The following GCN1 variants were observed in gnomAD, a reference collection of about 807,000 sequenced individuals.
GCN1 encodes stalled ribosome sensor GCN1.
In GCN1, 90 loss-of-function variants were observed where a neutral mutation model predicts 288.4. The observed-to-expected ratio is 0.31, with a 90% CI of 0.26 to 0.37. The LOEUF (loss-of-function observed/expected upper bound fraction) is 0.37, where lower values mean the gene tolerates loss of function less well. GCN1 is among the 10% of genes least tolerant of loss of function. The pLI, the probability that GCN1 is intolerant of heterozygous loss-of-function variation, is 1.00. For missense variants in GCN1, 2,586 were observed against 3,419.9 expected (o/e 0.76, Z 6.08); for synonymous variants, 1,386 against 1,420.2 (o/e 0.98, Z 0.54).
chr12:120,175,492 T>A (rs1161121573), intron 11 of GCN1, among the ~76,000 whole-genome samples: 1 of 152,238 alleles, frequency 6.6e-6, no homozygotes. Flanking sequence ...TTCTGGTGTA[T>A]TTCCTTTAGT....
Position 120,130,719 on chromosome 12 carries a change from C to T in GCN1, c.7598G>A (p.Gly2533Asp). 1 of 1,613,876 alleles carries T rather than the reference C, an allele frequency of 6.2e-7. No individual in the cohort carries two copies. Among genetic ancestry groups the T allele is most frequent in the Non-Finnish European group, 8.5e-7 (1 of 1,179,866 alleles). ...PIAVSGVRGMGFLMRHHIETG... is the reference protein window; with the variant it reads ...PIAVSGVRGMDFLMRHHIETG... ...CTCGATGTGGTGTCTCATGAGAAAG[C>T]CCATGCCCCGGACCCCGCTCACCGC... The change falls in exon 56 of 58, where the codon GGC becomes GAC. Residue 2533 changes from glycine to aspartate, a missense_variant. Physicochemically the swap from Gly to Asp is moderately conservative, Grantham distance 94. Coordinates refer to ENST00000300648, the MANE Select transcript of GCN1 (RefSeq NM_006836.2).
At chr12:120,162,671 G>A (rs1295609834) in intron 20 of GCN1, among the ~76,000 whole-genome samples, 176 bp downstream of exon 20, 3 of 152,236 alleles carry the variant, frequency 2.0e-5, no homozygotes, top group Non-Finnish European at 4.4e-5. Flanking sequence ...AGGTAAATGA[G>A]GCAGTAAGTT....
At chr12:120,190,218 C>CT in intron 2 of GCN1, 80 bp downstream of exon 2, 1 of 729,236 alleles carries the variant, frequency 1.4e-6, no homozygotes, top group East Asian at 2.6e-5. Context: ...GTGAGAGACT[C>CT]TGTCTCAAAA....
Position 120,127,724 on chromosome 12 carries a change from A to G in GCN1, c.*125T>C, listed in dbSNP as rs1422339681. The G allele has an allele frequency of 2.1e-5, 22 of 1,057,680 alleles. No individual in the cohort carries two copies. The Admixed American group carries it at 3.7e-4, about 18-fold the overall frequency. 65.5% of individuals were successfully genotyped at this position (1,057,680 alleles called of 1,614,324 possible). ...TGATTTAAGGCTTTGGCTGTGGTCT[A>G]TTGATATTAAAATACTTTCTGGGAA... is the stretch of plus-strand genomic sequence containing the variant. On this transcript the variant is annotated 3_prime_UTR_variant, in exon 58 of 58. Coordinates refer to ENST00000300648, the MANE Select transcript of GCN1 (RefSeq NM_006836.2).
chr12:120,140,813 GGTC>G, intron 45 of GCN1, 43 bp downstream of exon 45: 1 of 1,575,704 alleles, frequency 6.3e-7, no homozygotes, highest in South Asian at 1.1e-5. Flanking sequence ...CTCTGAGTCA[GGTC>G]GTCTGCAGTG....
intron 34 of GCN1, 48 bp downstream of exon 34, chr12:120,151,097 G>A: frequency 6.3e-7 from 1 of 1,593,722 alleles, no homozygotes; most frequent in East Asian, 2.2e-5. Context: ...CTGGCAACCT[G>A]GGGACCAACT....
intron 8 of GCN1, 31 bp from the exon 9 acceptor site, chr12:120,177,586 C>G (rs751846825): frequency 6.5e-7 from 1 of 1,549,470 alleles, no homozygotes; most frequent in Non-Finnish European, 8.9e-7. Flanking sequence ...GGCACCTAGC[C>G]CTCATGGGAA....
chr12:120,128,006 G>A (rs1402911839), intron 57 of GCN1, 32 bp from the exon 58 acceptor site: 7 of 1,611,248 alleles, frequency 4.3e-6, no homozygotes, highest in Admixed American at 1.7e-5. Flanking sequence ...AGGAAACATA[G>A]TCAGAACATA....
At chr12:120,190,686 G>A (rs1278062322) in intron 1 of GCN1, among the ~76,000 whole-genome samples, 1 of 152,138 alleles carries the variant, frequency 6.6e-6, no homozygotes, top group African/African-American at 2.4e-5. Flanking sequence ...CACTTGAGAT[G>A]TACTGCTTTA....
chr12:120,184,551 T>C (rs185756257), intron 3 of GCN1, among the ~76,000 whole-genome samples: 4 of 152,284 alleles, frequency 2.6e-5, no homozygotes, highest in Admixed American at 6.5e-5. Context: ...CATAAACACA[T>C]TGACCACTAT....
chr12:120,155,412 G>A lies in GCN1; in HGVS notation c.3459C>T (p.Gly1153=). ...KLAERLWSMM[G]LDLQPDLCSL... ...AGCAGAGGTCTGGCTGCAGGTCTAG[G>A]CCCATCATTGACCAGAGCCTGTGGG... The change falls in exon 30 of 58, where the codon GGC becomes GGT. Residue 1153 remains glycine, a synonymous_variant. Transcript: ENST00000300648. The surrounding 1 kb of genome is among the most constrained non-coding windows in gnomAD (Gnocchi z 4.9). 6.2e-7 allele frequency: 1 copy of A among 1,613,840 alleles called. No individual in the cohort carries two copies. Among genetic ancestry groups the A allele is most frequent in the Admixed American group, 1.7e-5 (1 of 60,028 alleles).
At chr12:120,147,550 C>G (rs996827449) in intron 37 of GCN1, among the ~76,000 whole-genome samples, 14 of 152,316 alleles carry the variant, frequency 9.2e-5, no homozygotes, top group African/African-American at 3.1e-4. Context: ...AAGCATGTAT[C>G]CTTAGTAAAT....
chr12:120,168,995 G>A (rs1878222026), intron 15 of GCN1, among the ~76,000 whole-genome samples: 1 of 152,098 alleles, frequency 6.6e-6, no homozygotes, highest in Non-Finnish European at 1.5e-5. Flanking sequence ...GAGATTGGGA[G>A]ATGAAATAAA....
At chr12:120,175,623 C>G (rs1197797649) in intron 11 of GCN1, 123 bp downstream of exon 11, 9 of 985,634 alleles carry the variant, frequency 9.1e-6, no homozygotes, top group Non-Finnish European at 1.4e-5. Flanking sequence ...AGTGTGACGT[C>G]CCCCTGGCCA....
At chr12:120,133,984 C>T (rs531906185) in intron 53 of GCN1, among the ~76,000 whole-genome samples, 30 of 152,266 alleles carry the variant, frequency 2.0e-4, no homozygotes, top group Admixed American at 7.8e-4. Flanking sequence ...GCAGGAGAAT[C>T]GCTTGATAGG....
rs1343150800 is a variant in GCN1 at position 120,138,815 on chromosome 12, C to T, written c.6036G>A (p.Lys2012=). ...FSESLVPTAR[K]ALCDPLEEVR... ...CCTCCTCCAGTGGGTCACACAAAGCCTTCCTTGCCGTGGGCACGAGGGATT... is the reference window on the plus strand; with the variant it reads ...CCTCCTCCAGTGGGTCACACAAAGCTTTCCTTGCCGTGGGCACGAGGGATT... Residue 2012 remains lysine, a synonymous_variant, in exon 46 of 58, where the codon AAG becomes AAA. Coordinates refer to ENST00000300648, the MANE Select transcript of GCN1 (RefSeq NM_006836.2). 6.2e-7 allele frequency: 1 copy of T among 1,613,882 alleles called. No individual in the cohort carries two copies. Among genetic ancestry groups the T allele is most frequent in the Non-Finnish European group, 8.5e-7 (1 of 1,179,852 alleles).
In GCN1 at chr12:120,129,599, C is replaced by T. The variant is rs147975924; in HGVS notation, c.7672-105G>A. Reference sequence around the variant, plus strand: ...ACTCTCCCTACAGCATGAACACTGACCCCCCCTGCTCCTGTGGGAGGGTCC... The same window carrying T: ...ACTCTCCCTACAGCATGAACACTGATCCCCCCTGCTCCTGTGGGAGGGTCC... On this transcript the variant is annotated intron_variant, in intron 56 of 57. Coordinates refer to ENST00000300648, the MANE Select transcript of GCN1 (RefSeq NM_006836.2). 445 of 834,120 alleles carry T rather than the reference C, an allele frequency of 5.3e-4. 4 individuals carry two copies. In the East Asian group the frequency reaches 0.01, roughly 19 times the overall value. The allele number at this position is 834,120 out of a possible 1,614,324, so 51.7% of individuals were successfully genotyped here. A position where few individuals can be genotyped will look rare whatever the true frequency, so the allele number is the denominator to read the frequency against.
At position 120,137,141 on chromosome 12, in the gene GCN1, G is replaced by A. The variant is rs1000487192; in HGVS notation, c.6777+65C>T. 8.4e-7 allele frequency: 1 copy of A among 1,188,640 alleles called. No homozygotes were observed. The highest frequency in any genetic ancestry group is 1.3e-6 in the Non-Finnish European group (1 of 794,946). 73.6% of individuals were successfully genotyped at this position (1,188,640 alleles called of 1,614,324 possible). A position where few individuals can be genotyped will look rare whatever the true frequency, so the allele number is the denominator to read the frequency against. On this transcript the variant is annotated intron_variant, in intron 50 of 57. Transcript: ENST00000300648. The surrounding 1 kb of genome is among the most constrained non-coding windows in gnomAD (Gnocchi z 5.2). The stretch of plus-strand genomic sequence containing the variant: ...GCCCCTACCGCAGACCTGGGACAGG[G>A]GTAAGGGCCAGAAGGGCACAACAGA...
In GCN1 at chr12:120,134,297, G is replaced by A. The variant is rs377286577; in HGVS notation, c.7311C>T (p.His2437=). 13 of 1,610,546 alleles carry A rather than the reference G, an allele frequency of 8.1e-6. No individual in the cohort carries two copies. Among genetic ancestry groups the A allele is most frequent in the African/African-American group, 5.3e-5 (4 of 74,866 alleles). ...IVSLLLSMLG[H]DEDNTRISSA... ...GTCCTGCCTGCAGCCGTACCTCATCGTGTCCCAGCATGCTCAGCAGGAGTG... is the reference window on the plus strand; with the variant it reads ...GTCCTGCCTGCAGCCGTACCTCATCATGTCCCAGCATGCTCAGCAGGAGTG... Residue 2437 remains histidine (H), a synonymous_variant, in exon 53 of 58, where the codon CAC becomes CAT. Coordinates refer to ENST00000300648, the MANE Select transcript of GCN1 (RefSeq NM_006836.2). The surrounding 1 kb of genome is among the most constrained non-coding windows in gnomAD (Gnocchi z 5.0).
Sources: gnomAD v4.1 joint callset for allele counts (sites outside exome capture counted in the v4.1 genomes callset) on GRCh38, gnomAD v4.1.1 for gene constraint, Gnocchi (gnomAD v3.1) non-coding constraint, MANE v1.5 for transcripts, NCBI Gene and HGNC (gene_info 2026-07-23, HGNC 2026-07-21) for gene names.